SLC28A3: variants seen among roughly 807,000 people sequenced by gnomAD.
SLC28A3 encodes the protein concentrative Na(+)-nucleoside cotransporter 3.
SLC28A3 carries 68 observed loss-of-function variants against 84.2 expected under a neutral mutation model. That is an observed-to-expected ratio of 0.81 (90% CI 0.66 to 0.99). SLC28A3 has a LOEUF of 0.99. Among genes scored for constraint, SLC28A3 ranks in the 50% least tolerant of loss-of-function variants. The pLI is 0.00. For missense variants in SLC28A3, 712 were observed against 841.5 expected (o/e 0.85, Z 1.90); for synonymous variants, 267 against 303.6 (o/e 0.88, Z 1.25).
intron 1 of SLC28A3, among the ~76,000 whole-genome samples, chr9:84,326,387 AC>A (rs1826548396): frequency 6.6e-6 from 1 of 152,174 alleles, no homozygotes; most frequent in African/African-American, 2.4e-5. Flanking sequence ...AAAGAAAAAA[AC>A]AAAACAAAAA....
At position 84,305,285 on chromosome 9, in the gene SLC28A3, A is replaced by T; in HGVS notation, c.303T>A (p.Leu101=). ...ATAAAATGCCCCAGATGATGTGCCG[A>T]AGAGTTGTTTTGTGTTTCCTACAGA... is the stretch of plus-strand genomic sequence containing the variant. ...CGFCRKHKTT[L]RHIIWGILLA... Residue 101 remains leucine (L), a synonymous_variant, in exon 4 of 18, where the codon CTT becomes CTA. Transcript: ENST00000376238. 6.2e-7 allele frequency: 1 copy of T among 1,613,906 alleles called. No individual in the cohort carries two copies. Among genetic ancestry groups the T allele is most frequent in the Non-Finnish European group, 8.5e-7 (1 of 1,179,986 alleles).
chr9:84,341,136 G>C (rs938168919), upstream of SLC28A3, among the ~76,000 whole-genome samples: 1 of 151,924 alleles, frequency 6.6e-6, no homozygotes, highest in African/African-American at 2.4e-5. Context: ...ACCACACCTG[G>C]CTGACTTTAT....
chr9:84,291,472 G>A (rs531265446), intron 10 of SLC28A3, among the ~76,000 whole-genome samples: 186 of 152,278 alleles, frequency 1.2e-3, no homozygotes, highest in Non-Finnish European at 2.2e-3. Flanking sequence ...GAGTAGCTGG[G>A]ATTCCAGGCA....
chr9:84,345,502 A>C (rs1474698004), upstream of SLC28A3, among the ~76,000 whole-genome samples: 1 of 152,236 alleles, frequency 6.6e-6, no homozygotes, highest in East Asian at 1.9e-4. Context: ...ACATTCTTGC[A>C]GACACTGCTT....
chr9:84,337,150 A>G (rs1410341739), intron 1 of SLC28A3, among the ~76,000 whole-genome samples: 2 of 152,092 alleles, frequency 1.3e-5, no homozygotes, highest in African/African-American at 2.4e-5. Flanking sequence ...TAAGAATACA[A>G]TGCACTTGGT....
chr9:84,334,170 A>G (rs1417833262), intron 1 of SLC28A3, among the ~76,000 whole-genome samples: 3 of 152,182 alleles, frequency 2.0e-5, no homozygotes, highest in Admixed American at 2.0e-4. Context: ...CTGGTGGCTC[A>G]TGCCTGTATT....
chr9:84,342,190 G>A (rs1430952754), upstream of SLC28A3, among the ~76,000 whole-genome samples: 2 of 148,308 alleles, frequency 1.3e-5, no homozygotes, highest in East Asian at 3.9e-4. Context: ...CAAGTATTAT[G>A]AGTGGTTATT....
At chr9:84,309,886 TAATCTCACACAAAA>T (rs1825933957) in intron 2 of SLC28A3, among the ~76,000 whole-genome samples, 172 bp from the exon 3 acceptor site, 1 of 152,150 alleles carries the variant, frequency 6.6e-6, no homozygotes, top group Non-Finnish European at 1.5e-5. Flanking sequence ...TCCCGGCTTA[TAATCTCACACAAAA>T]AATGCCAGGT....
chr9:84,299,429 G>T, intron 6 of SLC28A3, 152 bp downstream of exon 6: 1 of 957,498 alleles, frequency 1.0e-6, no homozygotes, highest in Non-Finnish European at 1.5e-6. Context: ...TGAAAGTTCA[G>T]GAAGATAGGG....
chr9:84,318,438 G>A lies in SLC28A3; in HGVS notation c.61-4984C>T, dbSNP rs146688067. ...TTCCCTTGGGAACTTTGTGAGCCAG[G>A]AGGCAGAGGAAACCCATATGTATGG... On this transcript the variant is annotated intron_variant, in intron 1 of 17. Coordinates refer to ENST00000376238, the MANE Select transcript of SLC28A3 (RefSeq NM_001199633.2). Among the ~76,000 whole-genome samples the A allele has an allele frequency of 3.2e-4, 49 of 152,306 alleles. No individual in the cohort carries two copies. The East Asian group carries it at 9.1e-3, about 28-fold the overall frequency.
At chr9:84,286,821 C>T (rs956544121) in intron 12 of SLC28A3, among the ~76,000 whole-genome samples, 6 of 152,068 alleles carry the variant, frequency 3.9e-5, no homozygotes, top group Admixed American at 3.9e-4. Flanking sequence ...CTCATCCTCC[C>T]CTCTAATCTC....
intron 1 of SLC28A3, among the ~76,000 whole-genome samples, chr9:84,338,727 A>G (rs1827062014): frequency 6.6e-6 from 1 of 152,094 alleles, no homozygotes; most frequent in African/African-American, 2.4e-5. Context: ...GACTCTATCC[A>G]ATTCCATCCT....
At chr9:84,349,876 T>C in the SLC28A3 span, among the ~76,000 whole-genome samples, 1 of 152,374 alleles carries the variant, frequency 6.6e-6, no homozygotes, top group African/African-American at 2.4e-5. Flanking sequence ...CAATCTTTTT[T>C]AATAACACAG....
rs780373079 is a variant in SLC28A3, at chr9:84,309,654, C to G, written c.217G>C (p.Asp73His). ...SPRNREHMED[D>H]DEEMQQKGCL... ...CCTTTTTGTTGCATCTCCTCATCAT[C>G]ATCCTCCATGTGTTCTCTGTTTCTT... The change falls in exon 3 of 18, where the codon GAT becomes CAT. Residue 73 changes from aspartate (D) to histidine (H), a missense_variant. Transcript: ENST00000376238. 6.2e-7 allele frequency: 1 copy of G among 1,608,674 alleles called. No individual in the cohort carries two copies. Among genetic ancestry groups the G allele is most frequent in the South Asian group, 1.1e-5 (1 of 90,936 alleles).
chr9:84,285,546 C>T lies in SLC28A3; in HGVS notation c.1450-4G>A. 4 of 1,614,112 alleles carry T rather than the reference C, an allele frequency of 2.5e-6. No homozygotes were observed. Among genetic ancestry groups the T allele is most frequent in the Non-Finnish European group, 2.5e-6 (3 of 1,180,014 alleles). Reference sequence around the variant, plus strand: ...TGAAGATGTAGGAGCAGATTAGCTACAGAAACCAAAAGTAGACACTTGATT... The same window carrying T: ...TGAAGATGTAGGAGCAGATTAGCTATAGAAACCAAAAGTAGACACTTGATT... On this transcript the variant is annotated splice_region_variant and splice_polypyrimidine_tract_variant and intron_variant, in intron 13 of 17. Coordinates refer to ENST00000376238, the MANE Select transcript of SLC28A3 (RefSeq NM_001199633.2).
At chr9:84,324,960 A>G (rs1409718914) in intron 1 of SLC28A3, among the ~76,000 whole-genome samples, 1 of 152,214 alleles carries the variant, frequency 6.6e-6, no homozygotes, top group Non-Finnish European at 1.5e-5. Context: ...AATGTTTACC[A>G]TTACTTTAAT....
chr9:84,301,011 C>T (rs1440983517), intron 5 of SLC28A3, among the ~76,000 whole-genome samples: 1 of 151,786 alleles, frequency 6.6e-6, no homozygotes, highest in South Asian at 2.1e-4. Flanking sequence ...TCTCATATAC[C>T]CCGTAAATAT....
intron 2 of SLC28A3, among the ~76,000 whole-genome samples, chr9:84,310,866 A>G (rs1320272432): frequency 6.6e-6 from 1 of 152,194 alleles, no homozygotes; most frequent in Non-Finnish European, 1.5e-5. Flanking sequence ...TTTGGTAAAT[A>G]TTTGATTTAA....
intron 10 of SLC28A3, among the ~76,000 whole-genome samples, chr9:84,290,731 G>A (rs142168400): frequency 1.1e-3 from 173 of 152,274 alleles, no homozygotes; most frequent in African/African-American, 4.0e-3. Flanking sequence ...TAACCTTCTG[G>A]ATGGGTGATT....
Sources: gnomAD v4.1 joint callset for allele counts (sites outside exome capture counted in the v4.1 genomes callset) on GRCh38, gnomAD v4.1.1 for gene constraint, MANE v1.5 for transcripts, NCBI Gene and HGNC (gene_info 2026-07-23, HGNC 2026-07-21) for gene names.